Variants in CFAP47 observed in about 807,000 individuals in gnomAD.
CFAP47 encodes cilia- and flagella-associated protein 47.
In CFAP47, 29 loss-of-function variants were observed where a neutral mutation model predicts 148.1. The observed-to-expected ratio is 0.20, with a 90% CI of 0.15 to 0.27. The LOEUF (loss-of-function observed/expected upper bound fraction) is 0.27, where lower values mean the gene tolerates loss of function less well. Ranked by LOEUF, CFAP47 falls within the 10% of genes least tolerant of loss-of-function variation. The probability of loss-of-function intolerance (pLI) is 1.00; values close to 1 mark genes in which losing one functional copy is unlikely to be tolerated. For synonymous variants in CFAP47, 664 were observed against 577.3 expected (o/e 1.15, Z -2.15); for missense variants, 1,872 against 1,697.5 (o/e 1.10, Z -1.81).
chrX:36,343,561 C>A (rs1466209415), intron 57 of CFAP47, among the ~76,000 whole-genome samples: 1 of 111,616 alleles, frequency 9.0e-6, no homozygotes, highest in Non-Finnish European at 1.9e-5. Context: ...TACCATTTGA[C>A]CTAGCAATCC....
At chrX:35,944,699 T>C (rs890174206) in intron 3 of CFAP47, among the ~76,000 whole-genome samples, 1 of 112,070 alleles carries the variant, frequency 8.9e-6, no homozygotes, top group African/African-American at 3.2e-5. Flanking sequence ...TAGCAGTTCC[T>C]AAAAATTTTT....
At chrX:36,169,551 G>C (rs1939540017) in intron 39 of CFAP47, among the ~76,000 whole-genome samples, 1 of 110,671 alleles carries the variant, frequency 9.0e-6, no homozygotes, top group African/African-American at 3.3e-5. Flanking sequence ...ACCTGCTGTT[G>C]AGCCCCTCTA....
At chrX:36,315,014 C>T (rs1941422891) in intron 56 of CFAP47, among the ~76,000 whole-genome samples, 1 of 111,714 alleles carries the variant, frequency 9.0e-6, no homozygotes, top group Non-Finnish European at 1.9e-5. Context: ...GAAAAGCTCA[C>T]AGTATATACC....
At chrX:35,958,483 A>G (rs978735982) in intron 8 of CFAP47, among the ~76,000 whole-genome samples, 3 of 111,884 alleles carry the variant, frequency 2.7e-5, no homozygotes, top group Non-Finnish European at 5.6e-5. Context: ...ATACCATTTT[A>G]TATTCCTACC....
chrX:36,000,257 A>C (rs189313024), intron 19 of CFAP47, 26 bp from the exon 20 acceptor site: 57 of 285,325 alleles, frequency 2.0e-4, no homozygotes, highest in Non-Finnish European at 3.2e-4. Flanking sequence ...TCTATTTTCT[A>C]ATTATTTTTA....
Position 36,228,744 on chromosome X carries a change from A to G in CFAP47, c.6934A>G (p.Ile2312Val). The G allele has an allele frequency of 1.9e-6, 1 of 523,338 alleles. No individual in the cohort carries two copies. The highest frequency in any genetic ancestry group is 3.1e-4 in the Middle Eastern group (1 of 3,188). The allele number at this position is 523,338 out of a possible 1,213,427, so 43.1% of individuals were successfully genotyped here. Residue 2312 changes from isoleucine to valine, a missense_variant, in exon 46 of 64, where the codon ATT becomes GTT. By Grantham distance (29) the Ile-to-Val change is conservative (BLOSUM62 3). Coordinates refer to ENST00000378653, the MANE Select transcript of CFAP47 (RefSeq NM_001304548.2). ...TGTGCGTGCCTATTATGTTGAAGGT[A>G]TTGTGAATGAAGAACAACCAGAGGC... ...YDVRAYYVEG[I>V]VNEEQPEAKF...
In CFAP47 at chrX:35,975,917, A is replaced by G. The variant is rs1280329912; in HGVS notation, c.2713+4A>G. The G allele has an allele frequency of 2.5e-6, 3 of 1,208,902 alleles. No homozygotes were observed. In the South Asian group the frequency reaches 5.3e-5, roughly 21 times the overall value. ...TTTTCTATTTGTCCAGCTAAAGGTA[A>G]CAGTTTATTGTTTGTTTGATTTAGA... On this transcript the variant is annotated splice_donor_region_variant and intron_variant, in intron 15 of 63. Transcript: ENST00000378653.
intron 46 of CFAP47, among the ~76,000 whole-genome samples, chrX:36,229,878 G>A (rs1555992143): frequency 1.0e-5 from 1 of 97,466 alleles, no homozygotes; most frequent in African/African-American, 3.8e-5. Flanking sequence ...TTTTGTTCTT[G>A]CGATAGTTTA....
At chrX:35,956,403 T>C (rs909307459) in intron 8 of CFAP47, among the ~76,000 whole-genome samples, 5 of 112,009 alleles carry the variant, frequency 4.5e-5, no homozygotes, top group Non-Finnish European at 9.4e-5. Context: ...AGTGAAAGCA[T>C]TTGGCACTAG....
chrX:36,341,805 G>A (rs1391934019), intron 57 of CFAP47, among the ~76,000 whole-genome samples: 3 of 109,857 alleles, frequency 2.7e-5, no homozygotes, highest in Admixed American at 9.7e-5. Flanking sequence ...TATTATCAGG[G>A]TTTCTAAAAT....
intron 57 of CFAP47, among the ~76,000 whole-genome samples, chrX:36,319,985 A>T (rs998262103): frequency 1.4e-4 from 16 of 110,519 alleles, no homozygotes; most frequent in Non-Finnish European, 2.7e-4. Context: ...ACCATCCCGC[A>T]TGGCTAATTT....
At chrX:36,194,314 C>T (rs1341286857) in intron 42 of CFAP47, among the ~76,000 whole-genome samples, 1 of 111,055 alleles carries the variant, frequency 9.0e-6, no homozygotes, top group African/African-American at 3.3e-5. Context: ...AGCGCTTGGT[C>T]CCAACCATTC....
intron 57 of CFAP47, among the ~76,000 whole-genome samples, chrX:36,345,054 A>G (rs1941685772): frequency 8.9e-6 from 1 of 112,022 alleles, no homozygotes; most frequent in Non-Finnish European, 1.9e-5. Context: ...TCAAAAGCAA[A>G]GGAGTAGGTT....
intron 48 of CFAP47, among the ~76,000 whole-genome samples, chrX:36,244,912 A>T (rs1445995560): frequency 1.8e-5 from 2 of 111,411 alleles, no homozygotes; most frequent in African/African-American, 3.3e-5. Flanking sequence ...ACAAAAAAGG[A>T]TAACTTGAGG....
chrX:35,939,491 G>T (rs1453340256), intron 2 of CFAP47, among the ~76,000 whole-genome samples: 2 of 87,630 alleles, frequency 2.3e-5, no homozygotes, highest in Non-Finnish European at 4.3e-5. Context: ...TCCCCTTCCT[G>T]TGTCCATGTG....
chrX:36,377,679 T>A (rs1039727873), intron 62 of CFAP47, among the ~76,000 whole-genome samples: 1 of 111,959 alleles, frequency 8.9e-6, no homozygotes, highest in Non-Finnish European at 1.9e-5. Flanking sequence ...TGCCATTTTA[T>A]TGATGTAATT....
chrX:36,285,689 C>A lies in CFAP47; in HGVS notation c.7649C>A (p.Pro2550Gln), dbSNP rs1941124785. The A allele has an allele frequency of 8.8e-7, 1 of 1,141,018 alleles. No homozygotes were observed. The highest frequency in any genetic ancestry group is 1.8e-5 in the African/African-American group (1 of 55,647). The allele number at this position is 1,141,018 out of a possible 1,213,427, so 94.0% of individuals were successfully genotyped here. A position where few individuals can be genotyped will look rare whatever the true frequency, so the allele number is the denominator to read the frequency against. ...CTTGAGATCCATAGCACTCCTGGAC[C>A]ACCCATAGAGATTATGGAAATGACA... Reference protein sequence around the residue: ...YNLEIHSTPGPPIEIMEMTCI... With the variant: ...YNLEIHSTPGQPIEIMEMTCI... The change falls in exon 51 of 64, where the codon CCA (proline) becomes CAA (glutamine). Residue 2550 changes from proline to glutamine, a missense_variant. Pro to Gln is a moderately conservative substitution (Grantham distance 76). Coordinates refer to ENST00000378653, the MANE Select transcript of CFAP47 (RefSeq NM_001304548.2).
At chrX:36,056,424 A>G in intron 26 of CFAP47, among the ~76,000 whole-genome samples, 1 of 111,872 alleles carries the variant, frequency 8.9e-6, no homozygotes, top group Non-Finnish European at 1.9e-5. Flanking sequence ...CAGACTTACA[A>G]GGATATGAAA....
chrX:36,170,817 C>T (rs780188275), intron 39 of CFAP47, among the ~76,000 whole-genome samples: 486 of 105,356 alleles, frequency 4.6e-3, no homozygotes, highest in Middle Eastern at 0.014. Context: ...TACCCAGTAA[C>T]GGGATGGCTG....
Sources: gnomAD v4.1 joint callset for allele counts (sites outside exome capture counted in the v4.1 genomes callset) on GRCh38, gnomAD v4.1.1 for gene constraint, MANE v1.5 for transcripts, NCBI Gene and HGNC (gene_info 2026-07-23, HGNC 2026-07-21) for gene names.